The following SLC35D4 variants were observed in gnomAD, a reference collection of about 807,000 sequenced individuals.
SLC35D4 encodes UDP-N-acetylglucosamine transporter SLC35D4.
At chr18:23,381,012 G>A in the SLC35D4 span, among the ~76,000 whole-genome samples, 235 of 152,312 alleles carry the variant, frequency 1.5e-3, 1 homozygote, top group African/African-American at 5.5e-3. Flanking sequence ...GTGAGGTGGC[G>A]TGCAAGTGTG....
the SLC35D4 span, among the ~76,000 whole-genome samples, chr18:23,274,248 T>C: frequency 1.4e-4 from 22 of 152,140 alleles, no homozygotes; most frequent in Non-Finnish European, 2.9e-4. Flanking sequence ...ACATTTCCAT[T>C]GTAAAAATGG....
At chr18:23,378,779 T>G in the SLC35D4 span, among the ~76,000 whole-genome samples, 1 of 152,370 alleles carries the variant, frequency 6.6e-6, no homozygotes, top group East Asian at 1.9e-4. Context: ...ACTACAATTT[T>G]TGATGCTAGT....
the SLC35D4 span, among the ~76,000 whole-genome samples, chr18:23,248,778 T>C: frequency 6.6e-6 from 1 of 152,058 alleles, no homozygotes; most frequent in Admixed American, 6.5e-5. Context: ...TGATCTGAGA[T>C]CACACCATTG....
At chr18:23,377,695 C>G in the SLC35D4 span, 25 of 1,547,586 alleles carry the variant, frequency 1.6e-5, no homozygotes, top group African/African-American at 2.8e-4. Context: ...AAGAAACATA[C>G]AATTAGACTT....
the SLC35D4 span, among the ~76,000 whole-genome samples, chr18:23,254,340 G>A: frequency 6.6e-6 from 1 of 152,228 alleles, no homozygotes; most frequent in Non-Finnish European, 1.5e-5. Flanking sequence ...TTTGGGGAAA[G>A]GCGTGAGTTT....
At chr18:23,248,253 C>T in the SLC35D4 span, among the ~76,000 whole-genome samples, 1 of 152,214 alleles carries the variant, frequency 6.6e-6, no homozygotes, top group Admixed American at 6.5e-5. Context: ...TTATGGGGAT[C>T]AGAAGCTCTT....
chr18:23,342,261 T>C, the SLC35D4 span, among the ~76,000 whole-genome samples: 10 of 152,314 alleles, frequency 6.6e-5, no homozygotes, highest in Admixed American at 3.3e-4. Flanking sequence ...ACTGGTATAC[T>C]TTCTGTCTCT....
chr18:23,244,794 T>G, the SLC35D4 span, among the ~76,000 whole-genome samples: 1 of 152,198 alleles, frequency 6.6e-6, no homozygotes, highest in African/African-American at 2.4e-5. Flanking sequence ...CCCCAGGTCT[T>G]ACAGCTAGCT....
the SLC35D4 span, among the ~76,000 whole-genome samples, chr18:23,325,594 A>C: frequency 2.0e-5 from 3 of 152,218 alleles, no homozygotes; most frequent in Non-Finnish European, 2.9e-5. Flanking sequence ...GTTTAACATG[A>C]GAATGTTGTT....
At chr18:23,424,431 C>T in the SLC35D4 span, among the ~76,000 whole-genome samples, 2 of 152,188 alleles carry the variant, frequency 1.3e-5, no homozygotes, top group Non-Finnish European at 2.9e-5. Context: ...ACTTGGAATA[C>T]TCCAGTGACA....
chr18:23,345,437 GC>G, the SLC35D4 span, among the ~76,000 whole-genome samples: 14 of 122,110 alleles, frequency 1.1e-4, no homozygotes, highest in African/African-American at 4.4e-4. Flanking sequence ...AGCCAAGATC[GC>G]ACCACTGTAC....
At chr18:23,369,797 C>A in the SLC35D4 span, among the ~76,000 whole-genome samples, 1 of 152,212 alleles carries the variant, frequency 6.6e-6, no homozygotes, top group African/African-American at 2.4e-5. Flanking sequence ...ACAACCCAGG[C>A]CTGTAGAGTC....
At chr18:23,276,810 C>T in the SLC35D4 span, among the ~76,000 whole-genome samples, 62 of 152,324 alleles carry the variant, frequency 4.1e-4, no homozygotes, top group African/African-American at 1.4e-3. Context: ...CCTCCCCTTG[C>T]CAGGAGTGGT....
At chr18:23,305,952 A>G in the SLC35D4 span, among the ~76,000 whole-genome samples, 35 of 152,350 alleles carry the variant, frequency 2.3e-4, no homozygotes, top group East Asian at 3.1e-3. Context: ...GCCCAAAGCC[A>G]CACAAGATGC....
At chr18:23,285,045 C>A in the SLC35D4 span, among the ~76,000 whole-genome samples, 1 of 152,192 alleles carries the variant, frequency 6.6e-6, no homozygotes, top group Non-Finnish European at 1.5e-5. Context: ...GCCATCATAT[C>A]CCCTGTGACC....
the SLC35D4 span, among the ~76,000 whole-genome samples, chr18:23,253,464 CAG>C: frequency 5.9e-5 from 9 of 152,328 alleles, no homozygotes; most frequent in Admixed American, 3.9e-4. Context: ...GCCTGGAAAA[CAG>C]AGTGAGACTC....
chr18:23,352,342 T>C, the SLC35D4 span: 1 of 1,444,486 alleles, frequency 6.9e-7, no homozygotes, highest in African/African-American at 1.4e-5. Context: ...CCTTAGCCAA[T>C]GGCTGACTAG....
chr18:23,393,927 T>C, the SLC35D4 span, among the ~76,000 whole-genome samples: 1 of 152,320 alleles, frequency 6.6e-6, no homozygotes, highest in South Asian at 2.1e-4. Flanking sequence ...CCCCATTGTT[T>C]GTATTTATCA....
chr18:23,244,954 A>C, the SLC35D4 span, among the ~76,000 whole-genome samples: 2 of 152,244 alleles, frequency 1.3e-5, no homozygotes, highest in Non-Finnish European at 2.9e-5. Context: ...CCGGAGCTTT[A>C]TCCGCCCTAG....
Sources: allele counts gnomAD v4.1 joint callset (sites outside exome capture counted in the v4.1 genomes callset), GRCh38; gene constraint gnomAD v4.1.1; transcripts MANE v1.5; gene names NCBI Gene and HGNC (gene_info 2026-07-23, HGNC 2026-07-21).